The following TNFRSF19 variants were observed in gnomAD, a reference collection of about 807,000 sequenced individuals.
TNFRSF19 encodes TNF receptor superfamily member 19.
TNFRSF19 carries 27 observed loss-of-function variants against 46.4 expected under a neutral mutation model. That is an observed-to-expected ratio of 0.58 (90% CI 0.43 to 0.80). The LOEUF (loss-of-function observed/expected upper bound fraction) is 0.80, where lower values mean the gene tolerates loss of function less well. Among genes scored for constraint, TNFRSF19 ranks in the 30% least tolerant of loss-of-function variants. The pLI is 0.00. For missense variants in TNFRSF19, 511 were observed against 530.8 expected (o/e 0.96, Z 0.37); for synonymous variants, 204 against 205.0 (o/e 1.00, Z 0.04).
rs1314683348 is a variant in TNFRSF19 at position 23,659,378 on chromosome 13, A to G, written c.610+164A>G. On this transcript the variant is annotated intron_variant, in intron 6 of 9. Transcript: ENST00000248484. This position sits in a 1 kb window ranked among gnomAD's most constrained non-coding sequence, Gnocchi z 4.9. ...GGTGATCCCTGAACAGCAGAGGGCT[A>G]GGAGAGCAGTTAAGAATCCACACGT... Among the ~76,000 whole-genome samples the G allele has an allele frequency of 4.6e-5, 7 of 152,396 alleles. No homozygotes were observed. Among genetic ancestry groups the G allele is most frequent in the Admixed American group, 3.3e-4 (5 of 15,310 alleles).
intron 3 of TNFRSF19, among the ~76,000 whole-genome samples, chr13:23,609,063 A>G (rs1880715137): frequency 6.6e-6 from 1 of 151,992 alleles, no homozygotes; most frequent in Non-Finnish European, 1.5e-5. Flanking sequence ...CTTCCCATTC[A>G]GTTCTTTTTT....
chr13:23,603,035 G>T (rs1219327504), intron 3 of TNFRSF19, among the ~76,000 whole-genome samples: 1 of 151,930 alleles, frequency 6.6e-6, no homozygotes, highest in South Asian at 2.1e-4. Flanking sequence ...AGAAACTCTG[G>T]AGAGAGTGAA....
intron 3 of TNFRSF19, among the ~76,000 whole-genome samples, chr13:23,606,204 AG>A (rs1308213214): frequency 6.6e-6 from 1 of 152,228 alleles, no homozygotes; most frequent in Non-Finnish European, 1.5e-5. Context: ...ATGGCTATCC[AG>A]AAGAAATATT....
chr13:23,660,085 T>A (rs193007076), intron 6 of TNFRSF19, among the ~76,000 whole-genome samples: 15 of 152,234 alleles, frequency 9.9e-5, no homozygotes, highest in African/African-American at 3.6e-4. Flanking sequence ...ATCTGTAGAA[T>A]TCACTGAGGT....
chr13:23,600,444 A>T (rs943744883), intron 3 of TNFRSF19, among the ~76,000 whole-genome samples: 1 of 152,226 alleles, frequency 6.6e-6, no homozygotes, highest in South Asian at 2.1e-4. Context: ...GGACCCACTC[A>T]TAGAGCACCC....
chr13:23,615,952 G>T lies in TNFRSF19; in HGVS notation c.266G>T (p.Cys89Phe). The change falls in exon 4 of 10, where the codon TGC becomes TTC. Residue 89 changes from cysteine to phenylalanine, a missense_variant. Transcript: ENST00000248484. ...RFKEDWGFQK[C>F]KPCLDCAVVN... ...AAGGAGGACTGGGGCTTCCAGAAAT[G>T]CAAGCCCTGTCTGGACTGCGCAGTG... The T allele has an allele frequency of 6.2e-7, 1 of 1,614,054 alleles. No individual in the cohort carries two copies. The highest frequency in any genetic ancestry group is 1.3e-5 in the African/African-American group (1 of 75,060).
At chr13:23,571,301 CTTTAG>C (rs1877620261) in intron 1 of TNFRSF19, among the ~76,000 whole-genome samples, 1 of 152,174 alleles carries the variant, frequency 6.6e-6, no homozygotes, top group Admixed American at 6.5e-5. Flanking sequence ...AATACTGTTT[CTTTAG>C]TTTATTTATT....
At chr13:23,651,893 T>TAAAAAAAAAAAAAAAAAAAAAAA (rs34023907) in intron 5 of TNFRSF19, among the ~76,000 whole-genome samples, 1 of 9,972 alleles carries the variant, frequency 1.0e-4, no homozygotes, top group Non-Finnish European at 1.8e-4. Context: ...CATAACATGC[T>TAAAAAAAAAAAAAAAAAAAAAAA]AAAAAAAAAA....
At chr13:23,614,981 G>A (rs1468384028) in intron 3 of TNFRSF19, among the ~76,000 whole-genome samples, 2 of 152,080 alleles carry the variant, frequency 1.3e-5, no homozygotes, top group African/African-American at 4.8e-5. Context: ...ATGGTGTAAA[G>A]TTCTTGGTCT....
chr13:23,640,912 T>C (rs1341639985), intron 5 of TNFRSF19, among the ~76,000 whole-genome samples: 4 of 152,246 alleles, frequency 2.6e-5, no homozygotes, highest in Admixed American at 2.0e-4. Flanking sequence ...TTCTTGCATG[T>C]ATTTTAAATA....
At chr13:23,639,721 C>T (rs568787131) in intron 5 of TNFRSF19, among the ~76,000 whole-genome samples, 138 of 152,296 alleles carry the variant, frequency 9.1e-4, no homozygotes, top group Non-Finnish European at 1.6e-3. Context: ...TGCCCTGACC[C>T]GGCCCTGGAG....
rs757829436 is a variant in TNFRSF19 at position 23,668,100 on chromosome 13, A to G, written c.839+18A>G. 6 of 1,582,276 alleles carry G rather than the reference A, an allele frequency of 3.8e-6. No homozygotes were observed. The highest frequency in any genetic ancestry group is 2.3e-5 in the South Asian group (2 of 85,960). On this transcript the variant is annotated intron_variant, in intron 8 of 9. Transcript: ENST00000248484. ...CAGGCAAGGTAACTAGGTGCTTTCA[A>G]TCAATCATTTCATAACCCCCTGTGC...
At chr13:23,642,087 G>A (rs1393946351) in intron 5 of TNFRSF19, among the ~76,000 whole-genome samples, 1 of 152,212 alleles carries the variant, frequency 6.6e-6, no homozygotes, top group Non-Finnish European at 1.5e-5. Flanking sequence ...ATCATAAGTT[G>A]AGGATTATCT....
At chr13:23,581,132 C>CTTTTTTTTTTTTTTTTTTTTTTT (rs746641461) in intron 1 of TNFRSF19, among the ~76,000 whole-genome samples, 1 of 143,666 alleles carries the variant, frequency 7.0e-6, no homozygotes, top group Admixed American at 7.0e-5. Context: ...TTTTTCTTTT[C>CTTTTTTTTTTTTTTTTTTTTTTT]TTTTTTTTTT....
rs775794894 is a variant in TNFRSF19 at position 23,668,028 on chromosome 13, C to T, written c.785C>T (p.Pro262Leu). ...PSMCCEEACS[P>L]NPATLGCGVH... ...ATGTGCTGTGAGGAGGCCTGCAGCCCCAACCCGGCGACTCTTGGTTGTGGG... is the reference window on the plus strand; with the variant it reads ...ATGTGCTGTGAGGAGGCCTGCAGCCTCAACCCGGCGACTCTTGGTTGTGGG... Residue 262 changes from proline to leucine, a missense_variant, in exon 8 of 10, where the codon CCC (proline) becomes CTC (leucine). Transcript: ENST00000248484. 8 of 1,610,410 alleles carry T rather than the reference C, an allele frequency of 5.0e-6. No homozygotes were observed. The Admixed American group carries it at 1.2e-4, about 24-fold the overall frequency.
At chr13:23,633,701 T>A (rs1407787074) in intron 5 of TNFRSF19, among the ~76,000 whole-genome samples, 1 of 151,900 alleles carries the variant, frequency 6.6e-6, no homozygotes, top group Non-Finnish European at 1.5e-5. Context: ...ATACAAAAAT[T>A]AGCTGCGCGT....
chr13:23,647,741 T>C (rs1282190192), intron 5 of TNFRSF19, among the ~76,000 whole-genome samples: 3 of 152,246 alleles, frequency 2.0e-5, no homozygotes, highest in Non-Finnish European at 4.4e-5. Flanking sequence ...CTGATCTATT[T>C]TTAGTCAACT....
chr13:23,647,848 A>G (rs531390281), intron 5 of TNFRSF19, among the ~76,000 whole-genome samples: 1 of 152,202 alleles, frequency 6.6e-6, no homozygotes, highest in African/African-American at 2.4e-5. Flanking sequence ...CCCTTTCCCC[A>G]TTGAATGGTA....
chr13:23,671,177 C>A (rs948984863), intron 9 of TNFRSF19, among the ~76,000 whole-genome samples: 1 of 152,064 alleles, frequency 6.6e-6, no homozygotes, highest in Non-Finnish European at 1.5e-5. Flanking sequence ...CTTACTAACT[C>A]TTTTTCAAAG....
Sources: gnomAD v4.1 joint callset for allele counts (sites outside exome capture counted in the v4.1 genomes callset) on GRCh38, gnomAD v4.1.1 for gene constraint, Gnocchi (gnomAD v3.1) non-coding constraint, MANE v1.5 for transcripts, NCBI Gene and HGNC (gene_info 2026-07-23, HGNC 2026-07-21) for gene names.